The following TET1 variants were observed in gnomAD, a reference collection of about 807,000 sequenced individuals.
The protein encoded by TET1 is methylcytosine dioxygenase TET1.
Under a neutral mutation model 148.7 loss-of-function variants are expected in TET1, and 13 were observed. The ratio of observed to expected loss-of-function variants is 0.09; its 90% confidence interval spans 0.06 to 0.14. TET1 has a LOEUF of 0.14. TET1 is among the 10% of genes least tolerant of loss of function. The pLI, the probability that TET1 is intolerant of heterozygous loss-of-function variation, is 1.00. For missense variants in TET1, 2,182 were observed against 2,553.8 expected (o/e 0.85, Z 3.14); for synonymous variants, 907 against 937.2 (o/e 0.97, Z 0.59).
chr10:68,597,387 A>G (rs1589062702), intron 2 of TET1, among the ~76,000 whole-genome samples: 1 of 152,274 alleles, frequency 6.6e-6, no homozygotes, highest in East Asian at 1.9e-4. Context: ...ACTTTACTAA[A>G]TATTGAACAA....
At chr10:68,587,471 G>T (rs2053873563) in intron 2 of TET1, among the ~76,000 whole-genome samples, 1 of 152,190 alleles carries the variant, frequency 6.6e-6, no homozygotes, top group Non-Finnish European at 1.5e-5. Flanking sequence ...GGGCAACACA[G>T]AAGTTAAGTT....
At chr10:68,690,325 T>C (rs1196975599) in intron 11 of TET1, among the ~76,000 whole-genome samples, 3 of 152,166 alleles carry the variant, frequency 2.0e-5, no homozygotes, top group Admixed American at 1.3e-4. Flanking sequence ...AAGAAAATTA[T>C]GGCCGGGCGC....
In TET1 at chr10:68,677,358, G is replaced by A. The variant is rs58263339; in HGVS notation, c.4825-4041G>A. Among the ~76,000 whole-genome samples, 1,045 of 152,128 alleles carry A rather than the reference G, an allele frequency of 6.9e-3. 16 individuals carry two copies. The highest frequency in any genetic ancestry group is 0.024 in the African/African-American group (986 of 41,502). ...TTGTTTCCTAATCTTAAAAAAATCCGTAAAGGGCACCTATTTTTCTTCACT... is the reference window on the plus strand; with the variant it reads ...TTGTTTCCTAATCTTAAAAAAATCCATAAAGGGCACCTATTTTTCTTCACT... On this transcript the variant is annotated intron_variant, in intron 8 of 11. Coordinates refer to ENST00000373644, the MANE Select transcript of TET1 (RefSeq NM_030625.3).
At chr10:68,563,267 G>A (rs2053573852) in intron 1 of TET1, among the ~76,000 whole-genome samples, 1 of 152,170 alleles carries the variant, frequency 6.6e-6, no homozygotes, top group Non-Finnish European at 1.5e-5. Context: ...CATGTGCCGA[G>A]GGCTCTCACA....
intron 7 of TET1, among the ~76,000 whole-genome samples, chr10:68,670,428 C>T (rs1283960422): frequency 6.6e-6 from 1 of 152,020 alleles, no homozygotes; most frequent in African/African-American, 2.4e-5. Flanking sequence ...TGAAATACAA[C>T]CTATAGCCAA....
chr10:68,624,785 G>C (rs1192917794), intron 3 of TET1, among the ~76,000 whole-genome samples: 2 of 149,084 alleles, frequency 1.3e-5, no homozygotes, highest in Non-Finnish European at 3.0e-5. Context: ...AGGCTGGAGT[G>C]CAGTGGCGCA....
chr10:68,611,874 GAGAGA>G (rs1467124380), intron 3 of TET1, among the ~76,000 whole-genome samples: 4 of 137,282 alleles, frequency 2.9e-5, no homozygotes, highest in Non-Finnish European at 4.7e-5. Flanking sequence ...GAGAGAGAGA[GAGAGA>G]GGGAGGGAGG....
chr10:68,647,433 G>A (rs1192058478), intron 4 of TET1, among the ~76,000 whole-genome samples: 1 of 152,044 alleles, frequency 6.6e-6, no homozygotes, highest in African/African-American at 2.4e-5. Flanking sequence ...GTGAAACCCT[G>A]TATTTACTTA....
chr10:68,618,528 C>A (rs555408441), intron 3 of TET1, among the ~76,000 whole-genome samples: 1 of 152,106 alleles, frequency 6.6e-6, no homozygotes, highest in African/African-American at 2.4e-5. Flanking sequence ...TAGAAGATAA[C>A]CAATTAATCA....
intron 3 of TET1, among the ~76,000 whole-genome samples, chr10:68,605,260 G>A (rs1361418323): frequency 6.6e-6 from 1 of 152,088 alleles, no homozygotes; most frequent in African/African-American, 2.4e-5. Context: ...ATCACCTGAG[G>A]TTGGGTGTTC....
intron 8 of TET1, among the ~76,000 whole-genome samples, chr10:68,673,684 T>A (rs1432549562): frequency 6.6e-6 from 1 of 152,028 alleles, no homozygotes; most frequent in Non-Finnish European, 1.5e-5. Context: ...TAGTGAGGAT[T>A]TATATATTGA....
At chr10:68,612,193 G>A (rs903003869) in intron 3 of TET1, among the ~76,000 whole-genome samples, 1 of 151,726 alleles carries the variant, frequency 6.6e-6, no homozygotes, top group Non-Finnish European at 1.5e-5. Context: ...GGGTTCAAGT[G>A]ATTCTCCTGT....
intron 2 of TET1, among the ~76,000 whole-genome samples, chr10:68,590,137 G>T (rs1247857444): frequency 6.6e-6 from 1 of 152,004 alleles, no homozygotes; most frequent in Admixed American, 6.6e-5. Context: ...GTGTGTGACA[G>T]GGTCCTGCTC....
chr10:68,582,081 G>C (rs997758842), intron 2 of TET1, among the ~76,000 whole-genome samples: 1 of 150,548 alleles, frequency 6.6e-6, no homozygotes, highest in Non-Finnish European at 1.5e-5. Context: ...TTAAATAGAA[G>C]CATATTAGAT....
At chr10:68,600,017 A>G (rs1191897264) in intron 2 of TET1, among the ~76,000 whole-genome samples, 1 of 152,184 alleles carries the variant, frequency 6.6e-6, no homozygotes, top group East Asian at 1.9e-4. Flanking sequence ...GACAGAAATC[A>G]AATTGCTGTG....
rs144969702 is a variant in TET1, at chr10:68,638,515, A to C, written c.1969-6183A>C. On this transcript the variant is annotated intron_variant, in intron 3 of 11. Transcript: ENST00000373644. ...CCCAAATGGTATGTCCGTGGTATTA[A>C]AATTTCACGGAGAGGGTTATTAGGG... Among the ~76,000 whole-genome samples, 431 of 152,284 alleles carry C rather than the reference A, an allele frequency of 2.8e-3. 3 individuals carry two copies. The highest frequency in any genetic ancestry group is 9.7e-3 in the African/African-American group (404 of 41,568).
intron 7 of TET1, among the ~76,000 whole-genome samples, chr10:68,672,345 G>A (rs940990524): frequency 6.6e-6 from 1 of 151,502 alleles, no homozygotes; most frequent in African/African-American, 2.4e-5. Context: ...AAAATTAGCT[G>A]GGCGTGGTGG....
Position 68,646,246 on chromosome 10 carries a change from C to A in TET1, c.3517C>A (p.Arg1173=). ...AGTTGTAAGTTATCAAGAAAATGAT[C>A]GGCAGAAGTGGGAAAAGTTGTCCTA... is the stretch of plus-strand genomic sequence containing the variant. ...PTVVSYQEND[R]QKWEKLSYMY... is the part of the protein sequence containing the mutation. The change falls in exon 4 of 12, where the codon CGG becomes AGG. Residue 1173 remains arginine, a synonymous_variant. Coordinates refer to ENST00000373644, the MANE Select transcript of TET1 (RefSeq NM_030625.3). The A allele has an allele frequency of 1.2e-6, 2 of 1,614,080 alleles. No individual in the cohort carries two copies. Among genetic ancestry groups the A allele is most frequent in the Non-Finnish European group, 1.7e-6 (2 of 1,180,032 alleles).
chr10:68,645,285 A>G lies in TET1; in HGVS notation c.2556A>G (p.Glu852=). 1 of 1,614,208 alleles carries G rather than the reference A, an allele frequency of 6.2e-7. No individual in the cohort carries two copies. The highest frequency in any genetic ancestry group is 1.6e-4 in the Middle Eastern group (1 of 6,062). Residue 852 remains glutamate, a synonymous_variant, in exon 4 of 12, where the codon GAA becomes GAG. Coordinates refer to ENST00000373644, the MANE Select transcript of TET1 (RefSeq NM_030625.3). The part of the protein sequence containing the change: ...IINHHASIHN[E]GDQPKTPENI... ...ATCATCATGCTAGTATACACAATGAAGGTGATCAACCAAAAACTCCTGAGA... is the reference window on the plus strand; with the variant it reads ...ATCATCATGCTAGTATACACAATGAGGGTGATCAACCAAAAACTCCTGAGA...
Sources: gnomAD v4.1 joint callset for allele counts (sites outside exome capture counted in the v4.1 genomes callset) on GRCh38, gnomAD v4.1.1 for gene constraint, MANE v1.5 for transcripts, NCBI Gene and HGNC (gene_info 2026-07-23, HGNC 2026-07-21) for gene names.